Variants in USP30 observed in about 807,000 individuals in gnomAD.
USP30 encodes the protein ubiquitin specific peptidase 30.
USP30 carries 41 observed loss-of-function variants against 68.2 expected under a neutral mutation model. The observed-to-expected ratio is 0.60, with a 90% CI of 0.47 to 0.78. USP30 has a LOEUF of 0.78. Among genes scored for constraint, USP30 ranks in the 30% least tolerant of loss-of-function variants. USP30 has a pLI of 0.00. For synonymous variants in USP30, 229 were observed against 253.7 expected (o/e 0.90, Z 0.93); for missense variants, 522 against 649.4 (o/e 0.80, Z 2.13).
chr12:109,082,950 C>T lies in USP30; in HGVS notation c.1056C>T (p.Asp352=), dbSNP rs761572473. 6.2e-7 allele frequency: 1 copy of T among 1,614,242 alleles called. No homozygotes were observed. Among genetic ancestry groups the T allele is most frequent in the South Asian group, 1.1e-5 (1 of 91,086 alleles). Residue 352 remains aspartate, a synonymous_variant, in exon 11 of 13, where the codon GAC becomes GAT. Transcript: ENST00000257548. ...AGTTCAATGAGTTCCTGATGATGGACATTTACAAGTACCACCTCCTTGGAC... is the reference window on the plus strand; with the variant it reads ...AGTTCAATGAGTTCCTGATGATGGATATTTACAAGTACCACCTCCTTGGAC... The part of the protein sequence containing the change: ...HVQFNEFLMM[D]IYKYHLLGHK...
intron 3 of USP30, among the ~76,000 whole-genome samples, chr12:109,064,612 A>G (rs923344035): frequency 6.6e-6 from 1 of 152,108 alleles, no homozygotes; most frequent in African/African-American, 2.4e-5. Context: ...AGTTTCCATA[A>G]TGTCAAGACA....
intron 3 of USP30, among the ~76,000 whole-genome samples, chr12:109,058,975 T>C (rs938449284): frequency 2.6e-5 from 4 of 152,172 alleles, no homozygotes; most frequent in African/African-American, 9.7e-5. Flanking sequence ...TACACAATAA[T>C]AGCTTGCGAA....
intron 7 of USP30, 45 bp downstream of exon 7, chr12:109,073,577 A>C (rs2041510219): frequency 1.3e-6 from 2 of 1,546,222 alleles, no homozygotes; most frequent in African/African-American, 1.4e-5. Context: ...GAGGTTTTCC[A>C]AAAGTTAGGA....
chr12:109,069,600 G>A (rs2041366631), intron 4 of USP30, among the ~76,000 whole-genome samples: 1 of 152,236 alleles, frequency 6.6e-6, no homozygotes, highest in African/African-American at 2.4e-5. Flanking sequence ...CAATGGAGTC[G>A]TAGCAGCAGA....
chr12:109,058,117 A>T lies in USP30; in HGVS notation c.376+9A>T. On this transcript the variant is annotated intron_variant, in intron 3 of 12. Transcript: ENST00000257548. ...CTTGCACCTTCTGAAAGGTATCTAG[A>T]TGGGAATTTCAAGGGAATTATGTAC... is the stretch of plus-strand genomic sequence containing the variant. The T allele has an allele frequency of 6.3e-7, 1 of 1,589,864 alleles. No individual in the cohort carries two copies. The highest frequency in any genetic ancestry group is 1.1e-5 in the South Asian group (1 of 87,444).
chr12:109,029,011 G>GTGGTCC (rs548211836), intron 3 of USP30, among the ~76,000 whole-genome samples: 317 of 152,306 alleles, frequency 2.1e-3, no homozygotes, highest in Non-Finnish European at 3.8e-3. Flanking sequence ...TTGGCTTGTT[G>GTGGTCC]TGGTCCTTAC....
intron 3 of USP30, among the ~76,000 whole-genome samples, chr12:109,032,929 C>T (rs1363125830): frequency 6.6e-6 from 1 of 152,126 alleles, no homozygotes; most frequent in African/African-American, 2.4e-5. Context: ...AAAGTGAATA[C>T]TTTAAGGGAG....
In USP30 at chr12:109,082,839, G is replaced by A. The variant is rs773904047; in HGVS notation, c.949-4G>A. On this transcript the variant is annotated splice_polypyrimidine_tract_variant and splice_region_variant and intron_variant, in intron 10 of 12. Transcript: ENST00000257548. ...GGTTCTCCCGATTTCTCTTCCACCCGCAGCTCCCTCAGTGTCTCTGCATCC... is the reference window on the plus strand; with the variant it reads ...GGTTCTCCCGATTTCTCTTCCACCCACAGCTCCCTCAGTGTCTCTGCATCC... The A allele has an allele frequency of 2.2e-5, 35 of 1,612,396 alleles. No individual in the cohort carries two copies. The highest frequency in any genetic ancestry group is 8.0e-5 in the African/African-American group (6 of 74,880).
In USP30 at chr12:109,070,261, G is replaced by A. The variant is rs2041395684; in HGVS notation, c.481-1351G>A. ...GTAGCTGAGAGTCCTCAGGAATTTA[G>A]GGCGTATTTTGGAGGAGGGTCCTTT... On this transcript the variant is annotated intron_variant, in intron 4 of 12. Transcript: ENST00000257548. The surrounding 1 kb of genome is among the most constrained non-coding windows in gnomAD (Gnocchi z 4.0). Among the ~76,000 whole-genome samples, 1 of 152,166 alleles carries A rather than the reference G, an allele frequency of 6.6e-6. No individual in the cohort carries two copies.
upstream of USP30, among the ~76,000 whole-genome samples, chr12:109,050,989 C>CAA (rs528107876): frequency 1.4e-5 from 2 of 147,102 alleles, no homozygotes; most frequent in African/African-American, 5.0e-5. Context: ...GACTCCATCT[C>CAA]AAAAAAAAAA....
At chr12:109,058,820 T>C (rs968475849) in intron 3 of USP30, among the ~76,000 whole-genome samples, 1 of 152,146 alleles carries the variant, frequency 6.6e-6, no homozygotes, top group African/African-American at 2.4e-5. Context: ...CAAAGAAGTA[T>C]AAACAAAATA....
chr12:109,081,576 T>G, intron 8 of USP30, 183 bp downstream of exon 8: 1 of 710,496 alleles, frequency 1.4e-6, no homozygotes, highest in African/African-American at 1.8e-5. Context: ...TCGTTTTTCT[T>G]TTGCTCCAGA....
chr12:109,072,778 A>G lies in USP30; in HGVS notation c.625+428A>G, dbSNP rs543702005. Among the ~76,000 whole-genome samples the G allele has an allele frequency of 1.4e-4, 21 of 152,334 alleles. No homozygotes were observed. In the South Asian group the frequency reaches 4.1e-3, roughly 30 times the overall value. On this transcript the variant is annotated intron_variant, in intron 6 of 12. Coordinates refer to ENST00000257548, the MANE Select transcript of USP30 (RefSeq NM_032663.5). ...AATTCCTCTGTGTAGTAATAGGAACAAATATTTTTTGAGCCCATGCTGTTT... is the reference window on the plus strand; with the variant it reads ...AATTCCTCTGTGTAGTAATAGGAACGAATATTTTTTGAGCCCATGCTGTTT...
chr12:109,072,145 A>G (rs2041462288), intron 5 of USP30, among the ~76,000 whole-genome samples, 160 bp from the exon 6 acceptor site: 1 of 152,214 alleles, frequency 6.6e-6, no homozygotes, highest in African/African-American at 2.4e-5. Context: ...CCAGCCAGAT[A>G]GGCTAATTGA....
At chr12:109,063,878 C>CTTTTT (rs1341130766) in intron 3 of USP30, among the ~76,000 whole-genome samples, 1 of 127,268 alleles carries the variant, frequency 7.9e-6, no homozygotes, top group Non-Finnish European at 1.7e-5. Context: ...AATTGGGTTT[C>CTTTTT]TTTTTTTTTT....
intron 2 of USP30, among the ~76,000 whole-genome samples, chr12:109,026,467 A>AT (rs58578726): frequency 0.029 from 4,284 of 145,726 alleles, 75 homozygotes; most frequent in Non-Finnish European, 0.043. Context: ...ACACAACAGA[A>AT]TTTTTTTTTT....
At chr12:109,077,062 C>T (rs1229600164) in intron 7 of USP30, among the ~76,000 whole-genome samples, 2 of 152,074 alleles carry the variant, frequency 1.3e-5, no homozygotes, top group Non-Finnish European at 2.9e-5. Context: ...TTAAACCAAC[C>T]TTTCTGGGAT....
At chr12:109,075,771 A>G (rs1478818970) in intron 7 of USP30, among the ~76,000 whole-genome samples, 1 of 147,710 alleles carries the variant, frequency 6.8e-6, no homozygotes, top group African/African-American at 2.5e-5. Context: ...CCCACTGGCC[A>G]TTTGTATGTC....
At chr12:109,043,232 A>T (rs1036618778) in intron 3 of USP30, among the ~76,000 whole-genome samples, 1 of 152,218 alleles carries the variant, frequency 6.6e-6, no homozygotes, top group South Asian at 2.1e-4. Context: ...TTGAAGAACT[A>T]GAAAAACCCA....
Sources: gnomAD v4.1 joint callset for allele counts (sites outside exome capture counted in the v4.1 genomes callset) on GRCh38, gnomAD v4.1.1 for gene constraint, Gnocchi (gnomAD v3.1) non-coding constraint, MANE v1.5 for transcripts, NCBI Gene and HGNC (gene_info 2026-07-23, HGNC 2026-07-21) for gene names.